Variants in NDRG4 observed in about 807,000 individuals in gnomAD.
NDRG4 encodes protein NDRG4.
A neutral mutation model predicts 55.8 loss-of-function variants in NDRG4; 38 were observed. The ratio of observed to expected loss-of-function variants is 0.68; its 90% CI spans 0.53 to 0.89. The LOEUF (loss-of-function observed/expected upper bound fraction) is 0.89. Ranked by LOEUF, NDRG4 falls within the 40% of genes least tolerant of loss-of-function variation. The pLI is 0.00. For missense variants in NDRG4, 455 were observed against 468.6 expected (o/e 0.97, Z 0.27); for synonymous variants, 190 against 182.7 (o/e 1.04, Z -0.32).
intron 1 of NDRG4, among the ~76,000 whole-genome samples, chr16:58,473,316 C>T (rs1336139522): frequency 2.0e-5 from 3 of 152,150 alleles, no homozygotes; most frequent in Non-Finnish European, 4.4e-5. Flanking sequence ...AGGCATATAT[C>T]ACCACACCCA....
At chr16:58,470,190 A>T (rs115469617) in intron 1 of NDRG4, among the ~76,000 whole-genome samples, 2,023 of 152,300 alleles carry the variant, frequency 0.013, 47 homozygotes, top group African/African-American at 0.046. Context: ...TGTTTTTAAA[A>T]ACAAAAAAAT....
chr16:58,494,832 T>TTAA lies in NDRG4; in HGVS notation c.73-132_73-131insTAA, dbSNP rs560993867. ...GGGTGATAGAGTGAGACCCTGTCTCTAAAAAAAAAAAAAAAGAAAAGAAAA... is the reference window on the plus strand; with the variant it reads ...GGGTGATAGAGTGAGACCCTGTCTCTTAAAAAAAAAAAAAAAAAGAAAAGAAAA... On this transcript the variant is annotated intron_variant, in intron 2 of 15. Transcript: ENST00000258187. The TTAA allele has an allele frequency of 9.6e-5, 52 of 544,404 alleles. 1 individual carries two copies. The highest frequency in any genetic ancestry group is 8.4e-5 in the Non-Finnish European group (27 of 322,478). The allele number at this position is 544,404 out of a possible 1,614,324, so 33.7% of individuals were successfully genotyped here. A position where few individuals can be genotyped will look rare whatever the true frequency, so the allele number is the denominator to read the frequency against.
intron 2 of NDRG4, among the ~76,000 whole-genome samples, chr16:58,490,632 GGCC>G (rs775413893): frequency 6.6e-6 from 1 of 152,170 alleles, no homozygotes; most frequent in Non-Finnish European, 1.5e-5. Flanking sequence ...AGTCAGCACA[GGCC>G]CCATGCTGTG....
upstream of NDRG4, chr16:58,499,802 TG>T: frequency 6.5e-6 from 2 of 307,758 alleles, no homozygotes; most frequent in Middle Eastern, 1.2e-3. Flanking sequence ...GACGACCCTG[TG>T]TGTACCTGAC....
Position 58,464,174 on chromosome 16 carries a change from T to G in NDRG4, c.-24+377T>G. 2.7e-6 allele frequency: 1 copy of G among 373,326 alleles called. No individual in the cohort carries two copies. The highest frequency in any genetic ancestry group is 4.8e-6 in the Non-Finnish European group (1 of 210,400). 23.1% of individuals were successfully genotyped at this position (373,326 alleles called of 1,614,324 possible). ...CGCGCCCTTCCTCCGCCTCCTGGAG[T>G]TCACCGGGACCAGGTGGCGGCGGGT... On this transcript the variant is annotated intron_variant, in intron 1 of 15. Transcript: ENST00000258187. The surrounding 1 kb of genome is among the most constrained non-coding windows in gnomAD (Gnocchi z 4.8).
chr16:58,481,472 G>A (rs910878068), intron 1 of NDRG4, among the ~76,000 whole-genome samples: 18 of 152,054 alleles, frequency 1.2e-4, no homozygotes, highest in African/African-American at 1.7e-4. Flanking sequence ...GTGTGTGCGC[G>A]CGCATGCAGG....
At position 58,475,520 on chromosome 16, in the gene NDRG4, T is replaced by G. The variant is rs562744913; in HGVS notation, c.-24+11723T>G. 6.4e-4 allele frequency: 275 copies of G among 426,826 alleles called. 3 individuals carry two copies. Among genetic ancestry groups the G allele is most frequent in the Non-Finnish European group, 1.0e-3 (223 of 213,418 alleles). The allele number at this position is 426,826 out of a possible 1,614,324, so 26.4% of individuals were successfully genotyped here. On this transcript the variant is annotated intron_variant, in intron 1 of 15. Coordinates refer to the NDRG4 transcript ENST00000258187. Reference sequence around the variant, plus strand: ...ATAGGGTGGGTCTCCAAGAAAAATATCCCAAGTTTAGATTAGCTTCAGCTG... The same window carrying G: ...ATAGGGTGGGTCTCCAAGAAAAATAGCCCAAGTTTAGATTAGCTTCAGCTG...
chr16:58,505,986 T>G (rs1597318239), intron 5 of NDRG4: 1 of 327,006 alleles, frequency 3.1e-6, no homozygotes, highest in Non-Finnish European at 5.8e-6. Flanking sequence ...CCTCCCAAAG[T>G]GCTGGGATTA....
At chr16:58,495,410 C>T (rs761138637), upstream of NDRG4, 5 of 191,120 alleles carry the variant, frequency 2.6e-5, no homozygotes, top group Non-Finnish European at 5.6e-5. Context: ...CTCGGCCAGT[C>T]GTTTCTCCCC....
chr16:58,502,167 T>A (rs1346422546), intron 1 of NDRG4: 8 of 386,858 alleles, frequency 2.1e-5, no homozygotes, highest in African/African-American at 1.7e-4. Flanking sequence ...TTCCCTTTCC[T>A]AGCCTCAATT....
intron 1 of NDRG4, chr16:58,465,098 G>C (rs1016453039): frequency 3.9e-6 from 5 of 1,285,392 alleles, no homozygotes; most frequent in Non-Finnish European, 5.1e-6. Flanking sequence ...GGACGGGGGG[G>C]AGGATTCGAG....
intron 1 of NDRG4, among the ~76,000 whole-genome samples, chr16:58,480,912 G>A (rs1209548086): frequency 1.3e-5 from 2 of 152,018 alleles, no homozygotes; most frequent in Non-Finnish European, 1.5e-5. Context: ...GGGAGGCTGA[G>A]GCACAAGAAT....
intron 5 of NDRG4, 158 bp downstream of exon 5, chr16:58,504,807 T>A: frequency 1.4e-6 from 1 of 705,500 alleles, no homozygotes; most frequent in Non-Finnish European, 2.4e-6. Context: ...TCTTTTTTCT[T>A]TTTTCCTCCA....
chr16:58,482,794 C>T (rs1382659671), intron 1 of NDRG4, among the ~76,000 whole-genome samples: 2 of 140,758 alleles, frequency 1.4e-5, no homozygotes, highest in Non-Finnish European at 3.0e-5. Context: ...CTCTCTCTCT[C>T]TTTCTTTCTC....
chr16:58,504,664 GCCC>G lies in NDRG4; in HGVS notation c.372+18_372+20del, dbSNP rs781082494. On this transcript the variant is annotated intron_variant, in intron 5 of 14. Transcript: ENST00000570248. ...CCAAGTTTGCAGTGAGTCTCCCCAT[GCCC>G]CCATTACCCCAAACACCAGGGCAAG... is the stretch of plus-strand genomic sequence containing the variant. 8 of 1,614,010 alleles carry G rather than the reference GCCC, an allele frequency of 5.0e-6. No individual in the cohort carries two copies. The African/African-American group carries it at 6.7e-5, about 13-fold the overall frequency.
chr16:58,497,340 A>G (rs1335494813), upstream of NDRG4, among the ~76,000 whole-genome samples: 2 of 151,450 alleles, frequency 1.3e-5, no homozygotes, highest in East Asian at 3.9e-4. Flanking sequence ...GAAGAAGAAG[A>G]AAAAAAAAGA....
chr16:58,510,620 T>G, intron 13 of NDRG4, 25 bp from the exon 14 acceptor site: 3 of 1,513,036 alleles, frequency 2.0e-6, no homozygotes. Context: ...CCCCGCCCCC[T>G]CTCCGGCTCT....
In NDRG4 at chr16:58,504,555, C is replaced by G. The variant is rs201618562; in HGVS notation, c.312-34C>G. 8.4e-4 allele frequency: 1,362 copies of G among 1,613,926 alleles called. 1 individual carries two copies. Among genetic ancestry groups the G allele is most frequent in the Admixed American group, 1.4e-3 (84 of 60,018 alleles). On this transcript the variant is annotated intron_variant, in intron 4 of 14. Coordinates refer to ENST00000570248, the MANE Select transcript of NDRG4 (RefSeq NM_001242835.2). ...ATGACATGTATGGGAAATGGCACCC[C>G]TAGCCCTAGAGTGACCAGCCTGCTC... is the stretch of plus-strand genomic sequence containing the variant.
In NDRG4 at chr16:58,508,014, G is replaced by A. The variant is rs1200455236; in HGVS notation, c.729+15G>A. On this transcript the variant is annotated intron_variant, in intron 10 of 14. Transcript: ENST00000570248. ...AGGACGGGGTGGTAAGTGAGGGGCT[G>A]TGGGCTCACTGGGGGTGGGAGGTAG... is the stretch of plus-strand genomic sequence containing the variant. 6.5e-7 allele frequency: 1 copy of A among 1,543,564 alleles called. No individual in the cohort carries two copies.
Sources: allele counts gnomAD v4.1 joint callset (sites outside exome capture counted in the v4.1 genomes callset), GRCh38; gene constraint gnomAD v4.1.1; non-coding constraint Gnocchi (gnomAD v3.1); transcripts MANE v1.5; gene names NCBI Gene and HGNC (gene_info 2026-07-23, HGNC 2026-07-21).